PLOD2: variants seen among roughly 807,000 people sequenced by gnomAD.
PLOD2 encodes the protein procollagen-lysine,2-oxoglutarate 5-dioxygenase 2.
A neutral mutation model predicts 101.0 loss-of-function variants in PLOD2; 65 were observed. The observed-to-expected ratio is 0.64, with a 90% CI of 0.53 to 0.79. The LOEUF is 0.79. PLOD2 is among the 30% of genes least tolerant of loss of function. The pLI, the probability that PLOD2 is intolerant of heterozygous loss-of-function variation, is 0.00. For missense variants in PLOD2, 909 were observed against 914.6 expected (o/e 0.99, Z 0.08); for synonymous variants, 314 against 302.9 (o/e 1.04, Z -0.38).
intron 2 of PLOD2, 27 bp from the exon 3 acceptor site, chr3:146,121,275 C>A: frequency 6.2e-7 from 1 of 1,603,316 alleles, no homozygotes; most frequent in Non-Finnish European, 8.5e-7. Context: ...CATTTCATTC[C>A]TGAGCAAAAC....
Position 146,139,791 on chromosome 3 carries a change from T to C in PLOD2, c.110-15562A>G, listed in dbSNP as rs182244220. On this transcript the variant is annotated intron_variant, in intron 1 of 19. Transcript: ENST00000282903. ...GAAATTTATTACAAGGCTTAGAATA[T>C]ACACATTGAAACAGCACTAGGGAAG... Among the ~76,000 whole-genome samples the C allele has an allele frequency of 3.4e-3, 520 of 152,260 alleles. 1 individual carries two copies. The highest frequency in any genetic ancestry group is 0.012 in the African/African-American group (499 of 41,562).
intron 1 of PLOD2, among the ~76,000 whole-genome samples, chr3:146,143,652 T>G (rs1410997336): frequency 1.3e-5 from 2 of 152,096 alleles, no homozygotes; most frequent in African/African-American, 2.4e-5. Flanking sequence ...AGGGCCACAA[T>G]GTATATAGTT....
chr3:146,084,317 T>C (rs1378329243), intron 11 of PLOD2, among the ~76,000 whole-genome samples: 2 of 151,940 alleles, frequency 1.3e-5, no homozygotes, highest in African/African-American at 4.8e-5. Context: ...TACAGAGAGG[T>C]CTTAGATTTT....
intron 9 of PLOD2, 46 bp downstream of exon 9, chr3:146,088,540 A>G: frequency 2.2e-6 from 3 of 1,341,492 alleles, no homozygotes; most frequent in Non-Finnish European, 3.2e-6. Flanking sequence ...TCCAAAAAAG[A>G]CCAAAAATAG....
At position 146,161,100 on chromosome 3, in the gene PLOD2, G is replaced by C. The variant is rs1410606029; in HGVS notation, c.-111C>G. On this transcript the variant is annotated 5_prime_UTR_variant, in exon 1 of 20. Coordinates refer to ENST00000282903, the MANE Select transcript of PLOD2 (RefSeq NM_182943.3). ...GCCCTGAGCCGCCGATTGCGGGCGG[G>C]AGCCGGCGGGCAAGGCGCGCGGCCG... is the stretch of plus-strand genomic sequence containing the variant. 1.7e-6 allele frequency: 1 copy of C among 603,600 alleles called. No individual in the cohort carries two copies. Among genetic ancestry groups the C allele is most frequent in the Non-Finnish European group, 2.5e-6 (1 of 394,392 alleles). The allele number at this position is 603,600 out of a possible 1,614,324, so 37.4% of individuals were successfully genotyped here.
intron 7 of PLOD2, among the ~76,000 whole-genome samples, chr3:146,093,929 T>C (rs1415835775): frequency 1.3e-5 from 2 of 152,182 alleles, no homozygotes; most frequent in African/African-American, 4.8e-5. Context: ...AACTAAGATA[T>C]TTTAGAAACA....
chr3:146,156,598 G>A (rs2032310586), intron 1 of PLOD2, among the ~76,000 whole-genome samples: 2 of 152,220 alleles, frequency 1.3e-5, no homozygotes, highest in African/African-American at 2.4e-5. Context: ...TGCTAGATTT[G>A]GCCTATGGGC....
rs139671643 is a variant in PLOD2 at position 146,099,740 on chromosome 3, T to G, written c.777+3015A>C. ...TACCAAGGAGGAACAGAACACTATG[T>G]AGTTATGGGAAAAGTGGGGTTCTAC... On this transcript the variant is annotated intron_variant, in intron 7 of 19. Transcript: ENST00000282903. Among the ~76,000 whole-genome samples, 442 of 152,074 alleles carry G rather than the reference T, an allele frequency of 2.9e-3. 3 individuals carry two copies. Among genetic ancestry groups the G allele is most frequent in the African/African-American group, 0.01 (426 of 41,452 alleles).
chr3:146,131,172 C>G (rs1246196888), intron 1 of PLOD2, among the ~76,000 whole-genome samples: 4 of 152,216 alleles, frequency 2.6e-5, no homozygotes, highest in African/African-American at 9.7e-5. Context: ...GAGAATTAAG[C>G]AGATCTTGTG....
intron 1 of PLOD2, among the ~76,000 whole-genome samples, chr3:146,130,538 T>C (rs2030848867): frequency 6.6e-6 from 1 of 152,222 alleles, no homozygotes; most frequent in Non-Finnish European, 1.5e-5. Context: ...CAGTAGGTTC[T>C]TAAAAAACAT....
intron 10 of PLOD2, chr3:146,086,134 G>A (rs997028758): frequency 1.3e-5 from 2 of 152,184 alleles, no homozygotes; most frequent in African/African-American, 4.8e-5. Flanking sequence ...CCATCCCTCT[G>A]GGACCTCAGC....
At position 146,088,704 on chromosome 3, in the gene PLOD2, G is replaced by A; in HGVS notation, c.887C>T (p.Pro296Leu). The change falls in exon 9 of 20, where the codon CCA becomes CTA. Residue 296 changes from proline (P) to leucine (L), a missense_variant. By Grantham distance (98) the Pro-to-Leu change is moderately conservative (BLOSUM62 -3). Transcript: ENST00000282903. ...TVDLSAVDVH[P>L]NVSIGVFIEQ... ...AATAAAAACACCTATTGATACGTTT[G>A]GATGGACCTTTGTTTTACACCAAAC... The A allele has an allele frequency of 6.2e-7, 1 of 1,605,750 alleles. No individual in the cohort carries two copies. Among genetic ancestry groups the A allele is most frequent in the African/African-American group, 1.3e-5 (1 of 74,756 alleles).
At chr3:146,108,472 C>T (rs9289717) in intron 4 of PLOD2, among the ~76,000 whole-genome samples, 61,874 of 152,064 alleles carry the variant, frequency 0.41, 12,954 homozygotes, top group East Asian at 0.56. Context: ...TTTGAGACAC[C>T]GTGCCTGGCC....
intron 6 of PLOD2, among the ~76,000 whole-genome samples, chr3:146,103,744 T>C (rs150785440): frequency 2.6e-5 from 4 of 152,194 alleles, no homozygotes; most frequent in Admixed American, 2.6e-4. Flanking sequence ...TAAATTTTAC[T>C]GTATTGATTA....
intron 1 of PLOD2, among the ~76,000 whole-genome samples, chr3:146,135,266 C>T (rs918503869): frequency 2.0e-5 from 3 of 152,040 alleles, no homozygotes; most frequent in African/African-American, 7.3e-5. Flanking sequence ...CATTGTTCTA[C>T]GAGTTGAAGT....
rs143101149 is a variant in PLOD2 at position 146,077,543 on chromosome 3, C to T, written c.1563+319G>A. The T allele has an allele frequency of 3.9e-4, 87 of 225,474 alleles. No homozygotes were observed. The East Asian group carries it at 8.0e-3, about 21-fold the overall frequency. 14.0% of individuals were successfully genotyped at this position (225,474 alleles called of 1,614,324 possible). On this transcript the variant is annotated intron_variant, in intron 14 of 19. Coordinates refer to ENST00000282903, the MANE Select transcript of PLOD2 (RefSeq NM_182943.3). ...ACCTAAACCTTACTGTAATCAAATT[C>T]TATTTTATACCTACTTCTACCCTCT... is the stretch of plus-strand genomic sequence containing the variant.
chr3:146,084,861 A>C (rs193075748), intron 11 of PLOD2, among the ~76,000 whole-genome samples: 1 of 152,266 alleles, frequency 6.6e-6, no homozygotes, highest in Non-Finnish European at 1.5e-5. Context: ...AAAAATATCT[A>C]TAGAGAATAA....
chr3:146,124,229 T>A lies in PLOD2; in HGVS notation c.110A>T (p.Asp37Val). ...DSEKPSSIPTDKLLVITVATK... is the reference protein window; with the variant it reads ...DSEKPSSIPTVKLLVITVATK... ...TGCTACAGTTATGACTAATAATTTA[T>A]CTGCAAAGACAAAAGGAAACAAAAG... The change falls in exon 2 of 20, where the codon GAT becomes GTT. Residue 37 changes from aspartate to valine, a missense_variant and splice_region_variant. Transcript: ENST00000282903. 1 of 1,535,512 alleles carries A rather than the reference T, an allele frequency of 6.5e-7. No homozygotes were observed. The highest frequency in any genetic ancestry group is 9.0e-7 in the Non-Finnish European group (1 of 1,109,294).
chr3:146,107,388 G>C (rs1937553080), intron 4 of PLOD2, among the ~76,000 whole-genome samples: 1 of 152,066 alleles, frequency 6.6e-6, no homozygotes, highest in African/African-American at 2.4e-5. Flanking sequence ...TCTGAATTAT[G>C]GAAATGCAGC....
Sources: gnomAD v4.1 joint callset for allele counts (sites outside exome capture counted in the v4.1 genomes callset) on GRCh38, gnomAD v4.1.1 for gene constraint, MANE v1.5 for transcripts, NCBI Gene and HGNC (gene_info 2026-07-23, HGNC 2026-07-21) for gene names.